The following PPP1R14C variants were observed in gnomAD, a reference collection of about 807,000 sequenced individuals.
PPP1R14C encodes the protein protein phosphatase 1 regulatory inhibitor subunit 14C.
A neutral mutation model predicts 20.4 loss-of-function variants in PPP1R14C; 16 were observed. That is an observed-to-expected ratio of 0.78 (90% CI 0.53 to 1.19). The LOEUF (loss-of-function observed/expected upper bound fraction) is 1.19, where lower values mean the gene tolerates loss of function less well. Among genes scored for constraint, PPP1R14C ranks in the 50% most tolerant of loss-of-function variants. The probability of loss-of-function intolerance (pLI) is 0.00; values close to 1 mark genes in which losing one functional copy is unlikely to be tolerated. For synonymous variants in PPP1R14C, 91 were observed against 91.0 expected (o/e 1.00, Z 0.00); for missense variants, 211 against 220.1 (o/e 0.96, Z 0.26).
chr6:150,201,482 G>T lies in PPP1R14C; in HGVS notation c.307-13262G>T, dbSNP rs897686833. 1.3e-5 allele frequency among the ~76,000 whole-genome samples: 2 copies of T among 152,228 alleles called. No individual in the cohort carries two copies. The highest frequency in any genetic ancestry group is 1.3e-4 in the Admixed American group (2 of 15,288). ...GGCCTGGCTGGGGAGTGTCCTGAGG[G>T]ATCGGAGGAGACCAGCGGAGTTAGA... is the stretch of plus-strand genomic sequence containing the variant. On this transcript the variant is annotated intron_variant, in intron 1 of 3. Coordinates refer to ENST00000361131, the MANE Select transcript of PPP1R14C (RefSeq NM_030949.3). This position sits in a 1 kb window ranked among gnomAD's most constrained non-coding sequence, Gnocchi z 4.2.
chr6:150,195,729 A>T (rs1252849642), intron 1 of PPP1R14C: 2 of 438,736 alleles, frequency 4.6e-6, no homozygotes, highest in African/African-American at 4.3e-5. Flanking sequence ...AGCTACATTA[A>T]GTACATTTAC....
chr6:150,172,471 G>T (rs187988788), intron 1 of PPP1R14C, among the ~76,000 whole-genome samples: 1 of 152,294 alleles, frequency 6.6e-6, no homozygotes, highest in African/African-American at 2.4e-5. Flanking sequence ...TGTGGTGCAG[G>T]TGGGGAGGCG....
chr6:150,226,054 G>A (rs1253729831), intron 3 of PPP1R14C, among the ~76,000 whole-genome samples: 3 of 152,154 alleles, frequency 2.0e-5, no homozygotes, highest in African/African-American at 7.2e-5. Context: ...CTGGCCAATA[G>A]GGAAAGGACT....
In PPP1R14C at chr6:150,183,574, C is replaced by T. The variant is rs148212562; in HGVS notation, c.307-31170C>T. ...TCACCCAGGCTGGAGTGCAAAGGTG[C>T]GATCTCGGCTCACTGCAACCTCCAC... On this transcript the variant is annotated intron_variant, in intron 1 of 3. Coordinates refer to ENST00000361131, the MANE Select transcript of PPP1R14C (RefSeq NM_030949.3). Among the ~76,000 whole-genome samples, 1,128 of 151,642 alleles carry T rather than the reference C, an allele frequency of 7.4e-3. 12 individuals are homozygous for T. The highest frequency in any genetic ancestry group is 0.026 in the African/African-American group (1,083 of 41,302).
chr6:150,218,679 C>T (rs572298409), intron 3 of PPP1R14C, among the ~76,000 whole-genome samples: 25 of 151,988 alleles, frequency 1.6e-4, no homozygotes, highest in Non-Finnish European at 3.1e-4. Context: ...GACAGGGTCT[C>T]ATTCTGTCAC....
At chr6:150,213,665 A>G (rs1009265065) in intron 1 of PPP1R14C, among the ~76,000 whole-genome samples, 2 of 152,210 alleles carry the variant, frequency 1.3e-5, no homozygotes, top group African/African-American at 4.8e-5. Flanking sequence ...TTATTTTGAC[A>G]TTTTAAAATG....
At chr6:150,191,609 C>T (rs9384230) in intron 1 of PPP1R14C, among the ~76,000 whole-genome samples, 6,703 of 152,298 alleles carry the variant, frequency 0.044, 311 homozygotes, top group East Asian at 0.12. Flanking sequence ...CTGGAAAACA[C>T]TCTGCTCTCC....
At chr6:150,206,062 C>T (rs371724561) in intron 1 of PPP1R14C, among the ~76,000 whole-genome samples, 2 of 152,104 alleles carry the variant, frequency 1.3e-5, no homozygotes, top group African/African-American at 4.8e-5. Flanking sequence ...TCCCTTCCCC[C>T]ACCATGGCCC....
intron 1 of PPP1R14C, among the ~76,000 whole-genome samples, chr6:150,167,642 G>A (rs1777438209): frequency 1.3e-5 from 2 of 152,202 alleles, no homozygotes; most frequent in Non-Finnish European, 2.9e-5. Context: ...TAAGGGAGGA[G>A]ACAGAGCATC....
intron 1 of PPP1R14C, among the ~76,000 whole-genome samples, chr6:150,149,707 G>C (rs1195692211): frequency 6.6e-6 from 1 of 152,090 alleles, no homozygotes; most frequent in Non-Finnish European, 1.5e-5. Flanking sequence ...TGTCAGTGTT[G>C]TTATTGGAGC....
At chr6:150,197,795 G>A (rs1777824553) in intron 1 of PPP1R14C, among the ~76,000 whole-genome samples, 1 of 148,682 alleles carries the variant, frequency 6.7e-6, no homozygotes, top group African/African-American at 2.5e-5. Context: ...GGGCCTGGAT[G>A]CCCGGCTTTG....
At chr6:150,175,948 C>T (rs1436268647) in intron 1 of PPP1R14C, among the ~76,000 whole-genome samples, 5 of 152,224 alleles carry the variant, frequency 3.3e-5, no homozygotes, top group African/African-American at 9.6e-5. Context: ...GTACTTCTCT[C>T]CCTGGTAACA....
chr6:150,204,301 T>C (rs1295208534), intron 1 of PPP1R14C, among the ~76,000 whole-genome samples: 1 of 152,238 alleles, frequency 6.6e-6, no homozygotes, highest in African/African-American at 2.4e-5. Flanking sequence ...CAACCAGCTG[T>C]GCGTGTTTAG....
chr6:150,171,031 C>T lies in PPP1R14C; in HGVS notation c.306+27533C>T, dbSNP rs369947414. Among the ~76,000 whole-genome samples, 4 of 152,158 alleles carry T rather than the reference C, an allele frequency of 2.6e-5. 1 individual carries two copies. Among genetic ancestry groups the T allele is most frequent in the East Asian group, 1.9e-4 (1 of 5,172 alleles). ...CAGTCCCCCAACACAGCCTCCCCACCAACTCCCCCGGCGTGACCCTCCATT... is the reference window on the plus strand; with the variant it reads ...CAGTCCCCCAACACAGCCTCCCCACTAACTCCCCCGGCGTGACCCTCCATT... On this transcript the variant is annotated intron_variant, in intron 1 of 3. Coordinates refer to ENST00000361131, the MANE Select transcript of PPP1R14C (RefSeq NM_030949.3).
At chr6:150,195,210 T>C (rs2086828469) in intron 1 of PPP1R14C, 23 of 970,410 alleles carry the variant, frequency 2.4e-5, no homozygotes, top group Non-Finnish European at 2.7e-5. Flanking sequence ...CTCCGGTTTA[T>C]TCACTCAATA....
intron 1 of PPP1R14C, among the ~76,000 whole-genome samples, chr6:150,156,186 A>G (rs972394754): frequency 6.6e-6 from 1 of 152,066 alleles, no homozygotes. Context: ...TGGTCTATCT[A>G]TTTAGATGGA....
Position 150,231,040 on chromosome 6 carries a change from A to G in PPP1R14C, c.423+14184A>G, listed in dbSNP as rs527343276. 5.9e-5 allele frequency among the ~76,000 whole-genome samples: 9 copies of G among 152,324 alleles called. No homozygotes were observed. The South Asian group carries it at 1.2e-3, about 21-fold the overall frequency. Reference sequence around the variant, plus strand: ...GCAGGTGGGGCGCTGAGGGTGGAATATGAAAGTCATGGGCCCCAAGACGGA... The same window carrying G: ...GCAGGTGGGGCGCTGAGGGTGGAATGTGAAAGTCATGGGCCCCAAGACGGA... On this transcript the variant is annotated intron_variant, in intron 3 of 3. Transcript: ENST00000361131.
chr6:150,225,242 C>T (rs936374507), intron 3 of PPP1R14C, among the ~76,000 whole-genome samples: 2 of 152,138 alleles, frequency 1.3e-5, no homozygotes, highest in Non-Finnish European at 2.9e-5. Context: ...GCTGGAAGTT[C>T]AGGGGAATTT....
intron 3 of PPP1R14C, among the ~76,000 whole-genome samples, chr6:150,240,554 CCAAT>C (rs970545325): frequency 6.6e-6 from 1 of 152,124 alleles, no homozygotes; most frequent in African/African-American, 2.4e-5. Context: ...CAGAAGGTGA[CCAAT>C]CAGAGGCTGA....
Sources: gnomAD v4.1 joint callset for allele counts (sites outside exome capture counted in the v4.1 genomes callset) on GRCh38, gnomAD v4.1.1 for gene constraint, Gnocchi (gnomAD v3.1) non-coding constraint, MANE v1.5 for transcripts, NCBI Gene and HGNC (gene_info 2026-07-23, HGNC 2026-07-21) for gene names.